Variants in KCNIP1 observed in about 807,000 individuals in gnomAD.
KCNIP1 encodes A-type potassium channel modulatory protein KCNIP1.
KCNIP1 carries 18 observed loss-of-function variants against 33.0 expected under a neutral mutation model. The ratio of observed to expected loss-of-function variants is 0.55; its 90% confidence interval spans 0.38 to 0.81. The LOEUF is 0.81. Ranked by LOEUF, KCNIP1 falls within the 30% of genes least tolerant of loss-of-function variation. KCNIP1 has a pLI of 0.00. For synonymous variants in KCNIP1, 93 were observed against 98.3 expected (o/e 0.95, Z 0.32); for missense variants, 238 against 271.6 (o/e 0.88, Z 0.87).
At chr5:170,563,197 G>A (rs1757094164) in intron 1 of KCNIP1, among the ~76,000 whole-genome samples, 1 of 152,132 alleles carries the variant, frequency 6.6e-6, no homozygotes, top group South Asian at 2.1e-4. Context: ...TTACTGATTT[G>A]GCAGGCGCTG....
At chr5:170,525,827 C>T (rs1202225692) in intron 1 of KCNIP1, among the ~76,000 whole-genome samples, 3 of 152,214 alleles carry the variant, frequency 2.0e-5, no homozygotes, top group Admixed American at 1.3e-4. Context: ...TCTCTATTAG[C>T]CAAGGGTGAG....
intron 1 of KCNIP1, among the ~76,000 whole-genome samples, chr5:170,356,941 G>A (rs557567941): frequency 3.1e-4 from 47 of 152,188 alleles, no homozygotes; most frequent in African/African-American, 1.1e-3. Context: ...GCCTGCGTGA[G>A]CCTCCAGCCA....
At chr5:170,371,099 G>A (rs982059142) in intron 1 of KCNIP1, among the ~76,000 whole-genome samples, 2 of 152,094 alleles carry the variant, frequency 1.3e-5, no homozygotes, top group Non-Finnish European at 2.9e-5. Flanking sequence ...GAGCTGTGCC[G>A]GTGTACCAGT....
chr5:170,458,170 G>A (rs1394600371), intron 1 of KCNIP1, among the ~76,000 whole-genome samples: 2 of 152,094 alleles, frequency 1.3e-5, no homozygotes, highest in Non-Finnish European at 1.5e-5. Context: ...AAGAAAATAT[G>A]AACAAAGCCT....
At chr5:170,684,873 T>C (rs1037139363) in intron 1 of KCNIP1, among the ~76,000 whole-genome samples, 1 of 152,246 alleles carries the variant, frequency 6.6e-6, no homozygotes, top group African/African-American at 2.4e-5. Flanking sequence ...ACACACAGCC[T>C]TTAATTACTT....
chr5:170,436,021 C>T (rs916711819), intron 1 of KCNIP1, among the ~76,000 whole-genome samples: 1 of 152,132 alleles, frequency 6.6e-6, no homozygotes, highest in African/African-American at 2.4e-5. Flanking sequence ...TTGACCAAGA[C>T]CCTGGCCTCG....
chr5:170,710,271 A>G (rs1763400916), intron 1 of KCNIP1, among the ~76,000 whole-genome samples: 1 of 152,192 alleles, frequency 6.6e-6, no homozygotes, highest in Non-Finnish European at 1.5e-5. Context: ...ACCCACTTTT[A>G]AATTGGTCTG....
At chr5:170,426,286 C>G (rs1024288013) in intron 1 of KCNIP1, among the ~76,000 whole-genome samples, 1 of 151,380 alleles carries the variant, frequency 6.6e-6, no homozygotes, top group African/African-American at 2.4e-5. Context: ...CACACACACA[C>G]AGTTTTTAAT....
In KCNIP1 at chr5:170,592,904, G is replaced by A. The variant is rs80203838; in HGVS notation, c.61+88271G>A. ...AGCTCCGGACAAACACAAGAAGCCC[G>A]AAACATAATCTGTGCCTTCTGCTTG... On this transcript the variant is annotated intron_variant, in intron 1 of 7. Transcript: ENST00000328939. Among the ~76,000 whole-genome samples the A allele has an allele frequency of 5.0e-3, 763 of 152,138 alleles. 9 individuals are homozygous for A. Among genetic ancestry groups the A allele is most frequent in the African/African-American group, 0.017 (709 of 41,506 alleles).
intron 1 of KCNIP1, among the ~76,000 whole-genome samples, chr5:170,565,856 T>C (rs1403939889): frequency 6.6e-6 from 1 of 152,194 alleles, no homozygotes; most frequent in Non-Finnish European, 1.5e-5. Context: ...TCCAAGCACC[T>C]CATCTTCATA....
chr5:170,566,180 C>T (rs1400842924), intron 1 of KCNIP1, among the ~76,000 whole-genome samples: 1 of 152,190 alleles, frequency 6.6e-6, no homozygotes, highest in African/African-American at 2.4e-5. Flanking sequence ...CCCGCCTCAG[C>T]CTCCCGAGTA....
rs140124752 is a variant in KCNIP1, at chr5:170,528,982, T to A, written c.61+24349T>A. ...CCCAAAGATTGCCCCATAGTCTCTTTGTCAGATAAAGCATAAGTGAGCATC... is the reference window on the plus strand; with the variant it reads ...CCCAAAGATTGCCCCATAGTCTCTTAGTCAGATAAAGCATAAGTGAGCATC... On this transcript the variant is annotated intron_variant, in intron 1 of 7. Transcript: ENST00000328939. Among the ~76,000 whole-genome samples, 7 of 152,276 alleles carry A rather than the reference T, an allele frequency of 4.6e-5. No individual in the cohort carries two copies. In the East Asian group the frequency reaches 1.3e-3, roughly 29 times the overall value.
intron 1 of KCNIP1, among the ~76,000 whole-genome samples, chr5:170,534,436 A>G (rs967850589): frequency 6.6e-6 from 1 of 151,854 alleles, no homozygotes; most frequent in African/African-American, 2.4e-5. Flanking sequence ...ACAGAGTGAG[A>G]CCCTTAAAAA....
At chr5:170,577,946 A>T (rs1187135566) in intron 1 of KCNIP1, among the ~76,000 whole-genome samples, 1 of 152,088 alleles carries the variant, frequency 6.6e-6, no homozygotes, top group East Asian at 1.9e-4. Flanking sequence ...ATTTTTTACA[A>T]TTTTTTGCTA....
Position 170,713,858 on chromosome 5 carries a change from C to T in KCNIP1, c.62-4900C>T, listed in dbSNP as rs527977046. On this transcript the variant is annotated intron_variant, in intron 1 of 7. Transcript: ENST00000328939. ...CTAACGTGGTGAAAACCCGTTTCTACTAAAAATAAAAAAAAATTAGCCGGG... is the reference window on the plus strand; with the variant it reads ...CTAACGTGGTGAAAACCCGTTTCTATTAAAAATAAAAAAAAATTAGCCGGG... 2.0e-5 allele frequency among the ~76,000 whole-genome samples: 3 copies of T among 151,846 alleles called. No individual in the cohort carries two copies. In the South Asian group the frequency reaches 6.3e-4, roughly 32 times the overall value.
At chr5:170,521,561 C>T (rs1352266924) in intron 1 of KCNIP1, among the ~76,000 whole-genome samples, 2 of 152,058 alleles carry the variant, frequency 1.3e-5, no homozygotes, top group Non-Finnish European at 2.9e-5. Context: ...CTGGGGATCT[C>T]CAAGTAACAT....
chr5:170,399,939 C>T (rs1754856585), intron 1 of KCNIP1, among the ~76,000 whole-genome samples: 1 of 152,210 alleles, frequency 6.6e-6, no homozygotes, highest in South Asian at 2.1e-4. Context: ...GAATATTAGC[C>T]ATTAAAAGCC....
chr5:170,404,171 G>A (rs1754975778), intron 1 of KCNIP1, among the ~76,000 whole-genome samples: 1 of 152,128 alleles, frequency 6.6e-6, no homozygotes, highest in Admixed American at 6.5e-5. Context: ...TAAGCTTCAG[G>A]TTTTAGTTTT....
intron 1 of KCNIP1, chr5:170,642,020 T>C (rs1260502733): frequency 6.6e-6 from 1 of 152,266 alleles, no homozygotes; most frequent in South Asian, 2.1e-4. Flanking sequence ...CATCAAGGTT[T>C]CAGCCAGCGG....
Sources: gnomAD v4.1 joint callset for allele counts (sites outside exome capture counted in the v4.1 genomes callset) on GRCh38, gnomAD v4.1.1 for gene constraint, MANE v1.5 for transcripts, NCBI Gene and HGNC (gene_info 2026-07-23, HGNC 2026-07-21) for gene names.